Variants in ENTREP2 observed in about 807,000 individuals in gnomAD.
ENTREP2 encodes the protein protein ENTREP2.
At chr15:29,534,923 A>G in the ENTREP2 span, among the ~76,000 whole-genome samples, 1 of 152,352 alleles carries the variant, frequency 6.6e-6, no homozygotes. Context: ...TCAAGAGATA[A>G]TTTATTACAT....
the ENTREP2 span, among the ~76,000 whole-genome samples, chr15:29,366,440 C>T: frequency 1.3e-5 from 2 of 152,124 alleles, no homozygotes; most frequent in South Asian, 4.2e-4. Context: ...GTATAATTTA[C>T]ATAAAAGAAA....
the ENTREP2 span, among the ~76,000 whole-genome samples, chr15:29,524,824 T>A: frequency 6.6e-6 from 1 of 151,970 alleles, no homozygotes; most frequent in Non-Finnish European, 1.5e-5. Context: ...ACCAGAAGAG[T>A]GTGCAGTTGC....
At chr15:29,619,888 GC>G in the ENTREP2 span, among the ~76,000 whole-genome samples, 1 of 152,004 alleles carries the variant, frequency 6.6e-6, no homozygotes, top group African/African-American at 2.4e-5. Context: ...GCCTCTGTGA[GC>G]CCTGTCCTCC....
chr15:29,657,289 C>A, the ENTREP2 span, among the ~76,000 whole-genome samples: 64 of 151,566 alleles, frequency 4.2e-4, no homozygotes, highest in Non-Finnish European at 2.6e-4. Context: ...GCAAATCTCT[C>A]GACCTCCTGA....
At chr15:29,128,837 C>T in the ENTREP2 span, 67 of 1,550,876 alleles carry the variant, frequency 4.3e-5, no homozygotes, top group African/African-American at 1.1e-4. Flanking sequence ...GAGCTGGACT[C>T]GGCCACCTGC....
chr15:29,207,459 G>C, the ENTREP2 span, among the ~76,000 whole-genome samples: 1 of 151,224 alleles, frequency 6.6e-6, no homozygotes, highest in East Asian at 1.9e-4. Flanking sequence ...GGGGGGCGGG[G>C]GGGGTGGCCA....
chr15:29,395,318 G>A, the ENTREP2 span, among the ~76,000 whole-genome samples: 1 of 152,052 alleles, frequency 6.6e-6, no homozygotes, highest in Non-Finnish European at 1.5e-5. Context: ...ATGAACACAG[G>A]TGTGCAAATA....
the ENTREP2 span, among the ~76,000 whole-genome samples, chr15:29,125,721 C>A: frequency 1.3e-5 from 2 of 152,230 alleles, no homozygotes; most frequent in Non-Finnish European, 2.9e-5. Context: ...TCCCGGGGAG[C>A]TACTGTGAAA....
chr15:29,344,203 C>G, the ENTREP2 span, among the ~76,000 whole-genome samples: 1 of 152,208 alleles, frequency 6.6e-6, no homozygotes, highest in East Asian at 1.9e-4. Context: ...GGAGACTTTC[C>G]AGGGAACAGG....
At chr15:29,500,873 T>C in the ENTREP2 span, among the ~76,000 whole-genome samples, 45 of 151,982 alleles carry the variant, frequency 3.0e-4, no homozygotes, top group African/African-American at 1.1e-3. Context: ...AATAGAAGAC[T>C]CCAATTACTA....
At chr15:29,490,363 G>C in the ENTREP2 span, among the ~76,000 whole-genome samples, 7,335 of 152,296 alleles carry the variant, frequency 0.048, 555 homozygotes, top group African/African-American at 0.17. Flanking sequence ...TTACCGCAAA[G>C]AGCGAAAGAA....
the ENTREP2 span, among the ~76,000 whole-genome samples, chr15:29,377,568 A>T: frequency 1.3e-5 from 2 of 152,094 alleles, no homozygotes; most frequent in African/African-American, 4.8e-5. Flanking sequence ...TTACACCTGT[A>T]ATTCCAGCAC....
chr15:29,368,047 G>A, the ENTREP2 span, among the ~76,000 whole-genome samples: 1 of 151,576 alleles, frequency 6.6e-6, no homozygotes, highest in East Asian at 1.9e-4. Context: ...CCCTGGCCTG[G>A]CACAGTGGCT....
the ENTREP2 span, among the ~76,000 whole-genome samples, chr15:29,631,851 G>A: frequency 2.6e-5 from 4 of 152,206 alleles, no homozygotes; most frequent in Admixed American, 2.6e-4. Context: ...GTGGATGGGA[G>A]TGGGAGTCCA....
At chr15:29,549,530 A>G in the ENTREP2 span, among the ~76,000 whole-genome samples, 7 of 152,166 alleles carry the variant, frequency 4.6e-5, no homozygotes, top group Non-Finnish European at 2.9e-5. Flanking sequence ...TCGGCCTCCC[A>G]AAGTGCTGGG....
chr15:29,484,625 GATT>G, the ENTREP2 span, among the ~76,000 whole-genome samples: 624 of 152,150 alleles, frequency 4.1e-3, 1 homozygote, highest in Non-Finnish European at 5.7e-3. Flanking sequence ...AGAAAAAAGG[GATT>G]ATAATATGCA....
the ENTREP2 span, chr15:29,136,886 G>T: frequency 1.4e-6 from 1 of 737,126 alleles, no homozygotes; most frequent in Non-Finnish European, 2.0e-6. Context: ...AGGTGCCACG[G>T]GGAACGCTGT....
chr15:29,151,927 GC>G, the ENTREP2 span: 915,438 of 975,038 alleles, frequency 0.94, 430,459 homozygotes, highest in East Asian at 1. Context: ...CCCAGAATGA[GC>G]CGAGGTCGAT....
At chr15:29,395,248 C>T in the ENTREP2 span, among the ~76,000 whole-genome samples, 1 of 151,862 alleles carries the variant, frequency 6.6e-6, no homozygotes, top group Non-Finnish European at 1.5e-5. Flanking sequence ...TGTTGAGCCA[C>T]TCGTCTACAG....
Sources: allele counts gnomAD v4.1 joint callset (sites outside exome capture counted in the v4.1 genomes callset), GRCh38; gene constraint gnomAD v4.1.1; transcripts MANE v1.5; gene names NCBI Gene and HGNC (gene_info 2026-07-23, HGNC 2026-07-21).